KIAA1328: variants seen among roughly 807,000 people sequenced by gnomAD.
KIAA1328 encodes the protein KIAA1328.
A neutral mutation model predicts 68.1 loss-of-function variants in KIAA1328; 52 were observed. The observed-to-expected ratio is 0.76, with a 90% CI of 0.61 to 0.96. The LOEUF is 0.96. Among genes scored for constraint, KIAA1328 ranks in the 40% least tolerant of loss-of-function variants. KIAA1328 has a pLI of 0.00. For missense variants in KIAA1328, 641 were observed against 677.6 expected (o/e 0.95, Z 0.60); for synonymous variants, 232 against 239.4 (o/e 0.97, Z 0.28).
intron 8 of KIAA1328, among the ~76,000 whole-genome samples, chr18:37,169,117 A>G (rs1568490017): frequency 1.3e-5 from 2 of 151,690 alleles, no homozygotes; most frequent in African/African-American, 2.4e-5. Context: ...CAATTAGCCT[A>G]GTAATATTCT....
chr18:36,854,817 C>T (rs541950838), intron 4 of KIAA1328, among the ~76,000 whole-genome samples: 15 of 152,116 alleles, frequency 9.9e-5, no homozygotes, highest in Middle Eastern at 3.4e-3. Context: ...AATAAATAAA[C>T]GGTATTTATT....
At chr18:36,930,457 A>C (rs1281590009) in intron 5 of KIAA1328, among the ~76,000 whole-genome samples, 1 of 152,168 alleles carries the variant, frequency 6.6e-6, no homozygotes, top group African/African-American at 2.4e-5. Context: ...TAAACAGCAC[A>C]GGCCTCCCTT....
intron 6 of KIAA1328, among the ~76,000 whole-genome samples, chr18:36,970,182 C>T (rs1347036582): frequency 6.6e-6 from 1 of 152,154 alleles, no homozygotes; most frequent in Non-Finnish European, 1.5e-5. Flanking sequence ...TAATCCATCA[C>T]ATAAATGAAC....
At chr18:37,109,700 A>G (rs1189677536) in intron 7 of KIAA1328, among the ~76,000 whole-genome samples, 1 of 152,206 alleles carries the variant, frequency 6.6e-6, no homozygotes, top group Non-Finnish European at 1.5e-5. Context: ...TAAACATTAC[A>G]CTTTATCTGC....
Position 37,109,915 on chromosome 18 carries a change from A to G in KIAA1328, c.1232+42370A>G, listed in dbSNP as rs111866997. On this transcript the variant is annotated intron_variant, in intron 7 of 9. Coordinates refer to ENST00000280020, the MANE Select transcript of KIAA1328 (RefSeq NM_020776.3). ...AATGAGAGCAGTTTGATTTCTTTCT[A>G]CACAGTAACTGCTTATTCTGCTCCA... Among the ~76,000 whole-genome samples, 751 of 152,206 alleles carry G rather than the reference A, an allele frequency of 4.9e-3. 6 individuals are homozygous for G. The highest frequency in any genetic ancestry group is 0.017 in the African/African-American group (709 of 41,520).
chr18:37,004,882 A>T (rs1208319976), intron 6 of KIAA1328, among the ~76,000 whole-genome samples: 1 of 152,150 alleles, frequency 6.6e-6, no homozygotes, highest in Non-Finnish European at 1.5e-5. Context: ...TGGATAAATA[A>T]ATTGTGATAT....
intron 9 of KIAA1328, among the ~76,000 whole-genome samples, chr18:37,216,167 T>C (rs1164234350): frequency 6.6e-6 from 1 of 152,214 alleles, no homozygotes; most frequent in Non-Finnish European, 1.5e-5. Flanking sequence ...CTGATCTTAG[T>C]TGTTTCTTGC....
At chr18:37,046,730 G>T (rs2055485875) in intron 6 of KIAA1328, among the ~76,000 whole-genome samples, 1 of 152,162 alleles carries the variant, frequency 6.6e-6, no homozygotes, top group African/African-American at 2.4e-5. Context: ...GCAATAGATT[G>T]TGCCTAAACA....
At chr18:36,896,125 C>T (rs1405745323) in intron 5 of KIAA1328, among the ~76,000 whole-genome samples, 1 of 152,082 alleles carries the variant, frequency 6.6e-6, no homozygotes, top group East Asian at 1.9e-4. Flanking sequence ...GAAGGCTTTT[C>T]AGTGTATTTG....
intron 6 of KIAA1328, among the ~76,000 whole-genome samples, chr18:37,021,667 G>T (rs1186924726): frequency 1.3e-5 from 2 of 151,896 alleles, no homozygotes; most frequent in Non-Finnish European, 1.5e-5. Context: ...GAGGAATTGG[G>T]GTCTCCTCTC....
chr18:37,226,789 C>CA (rs1326371085), downstream of KIAA1328, among the ~76,000 whole-genome samples: 2 of 75,438 alleles, frequency 2.7e-5, no homozygotes, highest in African/African-American at 1.1e-4. Context: ...TTTTTTTTGA[C>CA]AGAGTTTCGT....
At chr18:37,225,859 C>T (rs1327640049), downstream of KIAA1328, among the ~76,000 whole-genome samples, 1 of 152,152 alleles carries the variant, frequency 6.6e-6, no homozygotes, top group Non-Finnish European at 1.5e-5. Flanking sequence ...AGACTTCGCA[C>T]CTGCCCCTCA....
chr18:36,873,796 A>G (rs2048027413), intron 4 of KIAA1328, among the ~76,000 whole-genome samples: 1 of 152,094 alleles, frequency 6.6e-6, no homozygotes, highest in Admixed American at 6.5e-5. Context: ...CCATCAACCC[A>G]TCATCTACAT....
chr18:37,154,390 C>T (rs1195537338), intron 7 of KIAA1328, among the ~76,000 whole-genome samples: 1 of 152,210 alleles, frequency 6.6e-6, no homozygotes, highest in Non-Finnish European at 1.5e-5. Context: ...TGATAAACAA[C>T]AGAGAGAGGA....
At chr18:37,040,742 G>T (rs983782382) in intron 6 of KIAA1328, among the ~76,000 whole-genome samples, 1 of 151,004 alleles carries the variant, frequency 6.6e-6, no homozygotes, top group Non-Finnish European at 1.5e-5. Context: ...ATTAATTTTG[G>T]TATTCATTGT....
intron 5 of KIAA1328, among the ~76,000 whole-genome samples, chr18:36,948,588 T>A (rs2051006803): frequency 1.3e-5 from 2 of 149,974 alleles, no homozygotes; most frequent in Admixed American, 1.3e-4. Context: ...CTCACTCTGT[T>A]GCCCAGGCTG....
chr18:36,851,063 T>TA (rs2047196691), intron 4 of KIAA1328, among the ~76,000 whole-genome samples: 1 of 152,212 alleles, frequency 6.6e-6, no homozygotes, highest in Non-Finnish European at 1.5e-5. Context: ...CCTCAATTGA[T>TA]ATGGTCATGT....
At chr18:37,056,707 G>A (rs762759914) in intron 6 of KIAA1328, among the ~76,000 whole-genome samples, 1 of 152,126 alleles carries the variant, frequency 6.6e-6, no homozygotes, top group Non-Finnish European at 1.5e-5. Flanking sequence ...CTGGAGTGCA[G>A]TAGTGTGATC....
At position 36,959,529 on chromosome 18, in the gene KIAA1328, A is replaced by G. The variant is rs890358759; in HGVS notation, c.576+94A>G. ...TTTTATCTTAATTTCCTCCCAGTAT[A>G]TAATATTGTTTTAAAACATGTAGCC... On this transcript the variant is annotated intron_variant, in intron 6 of 9. Transcript: ENST00000280020. The G allele has an allele frequency of 3.0e-6, 4 of 1,340,774 alleles. No individual in the cohort carries two copies. In the African/African-American group the frequency reaches 4.5e-5, roughly 15 times the overall value. 83.1% of individuals were successfully genotyped at this position (1,340,774 alleles called of 1,614,324 possible).
Sources: allele counts gnomAD v4.1 joint callset (sites outside exome capture counted in the v4.1 genomes callset), GRCh38; gene constraint gnomAD v4.1.1; transcripts MANE v1.5; gene names NCBI Gene and HGNC (gene_info 2026-07-23, HGNC 2026-07-21).